Variants in CTTNBP2 observed in about 807,000 individuals in gnomAD.
CTTNBP2 encodes the protein cortactin binding protein 2.
Under a neutral mutation model 156.9 loss-of-function variants are expected in CTTNBP2, and 108 were observed. The ratio of observed to expected loss-of-function variants is 0.69; its 90% confidence interval spans 0.59 to 0.81. The LOEUF (loss-of-function observed/expected upper bound fraction) is 0.81. Ranked by LOEUF, CTTNBP2 falls within the 30% of genes least tolerant of loss-of-function variation. CTTNBP2 has a pLI of 0.00. For missense variants in CTTNBP2, 1,924 were observed against 2,035.4 expected (o/e 0.95, Z 1.05); for synonymous variants, 767 against 751.8 (o/e 1.02, Z -0.33).
At position 117,725,179 on chromosome 7, in the gene CTTNBP2, T is replaced by A. The variant is rs1216738663; in HGVS notation, c.4134A>T (p.Arg1378Ser). The A allele has an allele frequency of 6.2e-7, 1 of 1,614,022 alleles. No individual in the cohort carries two copies. The highest frequency in any genetic ancestry group is 8.5e-7 in the Non-Finnish European group (1 of 1,180,020). ...CAGTTGTCTGCCCAAAGCCAGGTTG[T>A]CTTTTCACAGAGGCTCTTGACAATA... Reference protein sequence around the residue: ...EAILSRASVKRQPGFGQTTAK... With the variant: ...EAILSRASVKSQPGFGQTTAK... The change falls in exon 18 of 23, where the codon AGA becomes AGT. Residue 1378 changes from arginine to serine, a missense_variant. By Grantham distance (110) the Arg-to-Ser change is moderately radical (BLOSUM62 -1). Coordinates refer to ENST00000160373, the MANE Select transcript of CTTNBP2 (RefSeq NM_033427.3).
In CTTNBP2 at chr7:117,830,360, A is replaced by G. The variant is rs188499840; in HGVS notation, c.190-19371T>C. On this transcript the variant is annotated intron_variant, in intron 2 of 22. Transcript: ENST00000160373. ...AAGTCATACTACACGGCCGACAGCA[A>G]GGGCTCCATGGAGACCTCCTAAGGT... is the stretch of plus-strand genomic sequence containing the variant. Among the ~76,000 whole-genome samples, 3 of 152,318 alleles carry G rather than the reference A, an allele frequency of 2.0e-5. No homozygotes were observed. The East Asian group carries it at 5.8e-4, about 29-fold the overall frequency.
rs138522242 is a variant in CTTNBP2 at position 117,755,224 on chromosome 7, G to A, written c.3348+1331C>T. ...CACCTTTTCTACACTGTGAGGCTTT[G>A]AATGTTTCTCTGCTACTGTGGCTGC... On this transcript the variant is annotated intron_variant, in intron 12 of 22. Transcript: ENST00000160373. 7.5e-3 allele frequency: 1,440 copies of A among 192,138 alleles called. 80 individuals are homozygous for A. In the South Asian group the frequency reaches 0.096, roughly 13 times the overall value. 11.9% of individuals were successfully genotyped at this position (192,138 alleles called of 1,614,324 possible). A position where few individuals can be genotyped will look rare whatever the true frequency, so the allele number is the denominator to read the frequency against.
At chr7:117,860,027 C>T (rs950723891) in intron 2 of CTTNBP2, among the ~76,000 whole-genome samples, 1 of 152,212 alleles carries the variant, frequency 6.6e-6, no homozygotes, top group Non-Finnish European at 1.5e-5. Context: ...ACCATATACG[C>T]TCCTGTCACA....
intron 2 of CTTNBP2, among the ~76,000 whole-genome samples, chr7:117,834,262 T>C (rs1324504756): frequency 6.6e-6 from 1 of 152,094 alleles, no homozygotes; most frequent in African/African-American, 2.4e-5. Context: ...ACCTTTTTGG[T>C]CAGGCTGGTC....
intron 2 of CTTNBP2, among the ~76,000 whole-genome samples, chr7:117,844,714 C>T (rs1308057164): frequency 2.0e-5 from 3 of 152,094 alleles, no homozygotes; most frequent in Non-Finnish European, 2.9e-5. Flanking sequence ...GTGGGACAGA[C>T]TTGAGTGCAC....
chr7:117,781,015 T>C (rs1237369839), intron 6 of CTTNBP2, among the ~76,000 whole-genome samples: 5 of 152,212 alleles, frequency 3.3e-5, no homozygotes, highest in African/African-American at 1.2e-4. Flanking sequence ...AAAATAATTA[T>C]AAATAGCATA....
intron 3 of CTTNBP2, among the ~76,000 whole-genome samples, chr7:117,804,940 A>T (rs1288868715): frequency 6.6e-6 from 1 of 152,194 alleles, no homozygotes; most frequent in Non-Finnish European, 1.5e-5. Flanking sequence ...CTGCATGTTC[A>T]TTCTCCATGA....
chr7:117,871,433 G>A (rs1317580580), intron 1 of CTTNBP2, among the ~76,000 whole-genome samples: 2 of 151,988 alleles, frequency 1.3e-5, no homozygotes, highest in African/African-American at 2.4e-5. Flanking sequence ...ATTGCATCTC[G>A]CAACCCTAAA....
intron 22 of CTTNBP2, among the ~76,000 whole-genome samples, chr7:117,714,614 T>A (rs1318379521): frequency 6.6e-6 from 1 of 152,160 alleles, no homozygotes; most frequent in East Asian, 1.9e-4. Flanking sequence ...TGTACCTTCA[T>A]GGTCTGAGGC....
intron 22 of CTTNBP2, among the ~76,000 whole-genome samples, chr7:117,713,000 GCTCCGC>G (rs1348421435): frequency 1.3e-5 from 2 of 152,162 alleles, no homozygotes; most frequent in African/African-American, 4.8e-5. Flanking sequence ...TACCACCTGA[GCTCCGC>G]CTCCTGTCAG....
intron 1 of CTTNBP2, among the ~76,000 whole-genome samples, chr7:117,872,715 A>G (rs1231646552): frequency 1.3e-5 from 2 of 152,074 alleles, no homozygotes; most frequent in African/African-American, 4.8e-5. Context: ...CACTACCACC[A>G]AGTAATGGGG....
intron 1 of CTTNBP2, among the ~76,000 whole-genome samples, chr7:117,873,083 C>A (rs1804738211): frequency 6.6e-6 from 1 of 152,178 alleles, no homozygotes; most frequent in African/African-American, 2.4e-5. Context: ...GAGAACCGGG[C>A]GACCCGGGGC....
Position 117,760,461 on chromosome 7 carries a change from G to T in CTTNBP2, c.3146C>A (p.Ala1049Glu). 1 of 1,614,044 alleles carries T rather than the reference G, an allele frequency of 6.2e-7. No homozygotes were observed. The highest frequency in any genetic ancestry group is 1.1e-5 in the South Asian group (1 of 91,080). Residue 1049 changes from alanine (A) to glutamate (E), a missense_variant, in exon 10 of 23, where the codon GCA becomes GAA. Coordinates refer to ENST00000160373, the MANE Select transcript of CTTNBP2 (RefSeq NM_033427.3). ...TAGCGTGATGGATCGTATGCTTCTT[G>T]CACTGAGGCCGATGTTGGAATCAGT... ...NTTDSNIGLSARSIRSITLGN... is the reference protein window; with the variant it reads ...NTTDSNIGLSERSIRSITLGN...
chr7:117,775,219 G>A (rs1798026864), intron 8 of CTTNBP2, among the ~76,000 whole-genome samples: 1 of 152,118 alleles, frequency 6.6e-6, no homozygotes. Context: ...AGCAGTGTGT[G>A]AATATTGGCA....
At chr7:117,789,145 T>C (rs534209158) in intron 4 of CTTNBP2, among the ~76,000 whole-genome samples, 1 of 152,264 alleles carries the variant, frequency 6.6e-6, no homozygotes, top group African/African-American at 2.4e-5. Context: ...TCTTTAAAAG[T>C]TAACAGATTT....
At chr7:117,821,612 G>A (rs968980085) in intron 2 of CTTNBP2, among the ~76,000 whole-genome samples, 10 of 140,264 alleles carry the variant, frequency 7.1e-5, no homozygotes, top group African/African-American at 2.7e-4. Flanking sequence ...TTTTTGAGAC[G>A]AAGTCTCTCT....
At chr7:117,757,655 A>G (rs1044094209) in intron 11 of CTTNBP2, among the ~76,000 whole-genome samples, 2 of 152,118 alleles carry the variant, frequency 1.3e-5, no homozygotes, top group African/African-American at 2.4e-5. Context: ...ACAGGCATCA[A>G]TGATCCAGAC....
intron 3 of CTTNBP2, among the ~76,000 whole-genome samples, chr7:117,798,574 C>T (rs1454859860): frequency 6.6e-6 from 1 of 152,094 alleles, no homozygotes; most frequent in Non-Finnish European, 1.5e-5. Flanking sequence ...TTGTGGGACT[C>T]TGAAAGCAGA....
At chr7:117,845,105 TG>T (rs1802507898) in intron 2 of CTTNBP2, among the ~76,000 whole-genome samples, 1 of 152,054 alleles carries the variant, frequency 6.6e-6, no homozygotes, top group Admixed American at 6.6e-5. Context: ...CCTATTGGTG[TG>T]GGCATGAGGT....
Sources: allele counts gnomAD v4.1 joint callset (sites outside exome capture counted in the v4.1 genomes callset), GRCh38; gene constraint gnomAD v4.1.1; transcripts MANE v1.5; gene names NCBI Gene and HGNC (gene_info 2026-07-23, HGNC 2026-07-21).